PPIC: variants seen among roughly 807,000 people sequenced by gnomAD.
PPIC encodes peptidylprolyl isomerase C, also known as peptidyl-prolyl cis-trans isomerase C.
PPIC carries 19 observed loss-of-function variants against 19.5 expected under a neutral mutation model. The observed-to-expected ratio is 0.98, with a 90% CI of 0.68 to 1.43. The LOEUF (loss-of-function observed/expected upper bound fraction) is 1.43. Among genes scored for constraint, PPIC ranks in the 40% most tolerant of loss-of-function variants. PPIC has a pLI of 0.00. For synonymous variants in PPIC, 107 were observed against 101.2 expected (o/e 1.06, Z -0.34); for missense variants, 268 against 268.6 (o/e 1.00, Z 0.02).
intron 1 of PPIC, among the ~76,000 whole-genome samples, chr5:123,034,064 T>C (rs1762973201): frequency 1.3e-5 from 2 of 152,230 alleles, no homozygotes; most frequent in Non-Finnish European, 2.9e-5. Context: ...GAATAGCACC[T>C]CACACCTCTC....
chr5:123,036,157 G>A lies in PPIC; in HGVS notation c.117+352C>T, dbSNP rs1378664928. ...CGTTCTGCTCCCGAGCCCAGGCCAC[G>A]CTGAAGGAAGTACTTGGGCAGTCTC... On this transcript the variant is annotated intron_variant, in intron 1 of 4. Coordinates refer to ENST00000306442, the MANE Select transcript of PPIC (RefSeq NM_000943.5). This position sits in a 1 kb window ranked among gnomAD's most constrained non-coding sequence, Gnocchi z 4.5. 7.8e-6 allele frequency: 2 copies of A among 257,910 alleles called. No homozygotes were observed. The highest frequency in any genetic ancestry group is 1.5e-5 in the Non-Finnish European group (2 of 134,156). The allele number at this position is 257,910 out of a possible 1,614,324, so 16.0% of individuals were successfully genotyped here.
intron 1 of PPIC, among the ~76,000 whole-genome samples, chr5:123,030,700 G>T (rs1036917453): frequency 6.6e-6 from 1 of 152,164 alleles, no homozygotes; most frequent in Admixed American, 6.5e-5. Context: ...TTAAAGGAGT[G>T]CAATTCAGCA....
At chr5:123,027,640 C>G (rs1310464138) in intron 3 of PPIC, among the ~76,000 whole-genome samples, 1 of 152,288 alleles carries the variant, frequency 6.6e-6, no homozygotes, top group African/African-American at 2.4e-5. Flanking sequence ...GTAATCTTCA[C>G]AAAGTGCCTG....
chr5:123,029,482 T>A lies in PPIC; in HGVS notation c.118-64A>T, dbSNP rs78309173. The A allele has an allele frequency of 1.2e-3, 1,823 of 1,470,732 alleles. 4 individuals are homozygous for A. The highest frequency in any genetic ancestry group is 1.3e-3 in the Non-Finnish European group (1,459 of 1,109,864). The allele number at this position is 1,470,732 out of a possible 1,614,324, so 91.1% of individuals were successfully genotyped here. On this transcript the variant is annotated intron_variant, in intron 1 of 4. Transcript: ENST00000306442. ...TGGAAAAGCACAAATACAAGGTAAG[T>A]CAAAATTAAAATCTGAGAATTGACC...
chr5:123,029,115 T>C, intron 2 of PPIC, 190 bp downstream of exon 2: 1 of 1,078,092 alleles, frequency 9.3e-7, no homozygotes, highest in Non-Finnish European at 1.3e-6. Context: ...TTGATGATGA[T>C]TTTCTCCCAA....
Position 123,036,323 on chromosome 5 carries a change from C to A in PPIC, c.117+186G>T. ...CCTCAGCCCAGCTCCCCCAGGGTCT[C>A]CCCCGGAGCGCCGGCCTCCCAGCAC... is the stretch of plus-strand genomic sequence containing the variant. On this transcript the variant is annotated intron_variant, in intron 1 of 4. Transcript: ENST00000306442. The surrounding 1 kb of genome is among the most constrained non-coding windows in gnomAD (Gnocchi z 4.5). The A allele has an allele frequency of 1.7e-6, 1 of 604,476 alleles. No individual in the cohort carries two copies. The highest frequency in any genetic ancestry group is 2.8e-5 in the Admixed American group (1 of 35,546). 37.4% of individuals were successfully genotyped at this position (604,476 alleles called of 1,614,324 possible).
chr5:123,032,471 G>A (rs1762956382), intron 1 of PPIC, among the ~76,000 whole-genome samples: 1 of 152,110 alleles, frequency 6.6e-6, no homozygotes, highest in Non-Finnish European at 1.5e-5. Context: ...AGCAGGAGGA[G>A]GCAGTCAAGA....
In PPIC at chr5:123,023,585, AT is replaced by A. The variant is rs1340832647; in HGVS notation, c.*289del. 1.4e-5 allele frequency: 3 copies of A among 209,170 alleles called. No individual in the cohort carries two copies. The highest frequency in any genetic ancestry group is 2.3e-5 in the African/African-American group (1 of 43,366). 13.0% of individuals were successfully genotyped at this position (209,170 alleles called of 1,614,324 possible). On this transcript the variant is annotated 3_prime_UTR_variant, in exon 5 of 5. Transcript: ENST00000306442. ...GGATCATAATGAATTCAGAAAAAAA[AT>A]ATTGCATTAAAAAAATAGCCAATTC...
intron 3 of PPIC, among the ~76,000 whole-genome samples, chr5:123,028,057 T>C (rs974334274): frequency 6.6e-6 from 1 of 152,200 alleles, no homozygotes. Context: ...TAAAAAAGTA[T>C]TGGTTCCCAG....
intron 1 of PPIC, 86 bp from the exon 2 acceptor site, chr5:123,029,504 G>T: frequency 2.1e-6 from 3 of 1,460,696 alleles, no homozygotes; most frequent in South Asian, 1.6e-5. Context: ...TCTGAGAATT[G>T]ACCCACATAC....
chr5:123,025,638 A>G (rs1762839835), intron 4 of PPIC, 146 bp downstream of exon 4: 1 of 794,108 alleles, frequency 1.3e-6, no homozygotes, highest in Non-Finnish European at 2.0e-6. Context: ...AAAATGCCAT[A>G]CCATATATAA....
In PPIC at chr5:123,036,604, G is replaced by T; in HGVS notation, c.22C>A (p.Leu8Met). MGPGPRL[L>M]LPLVLCVGLG... Reference sequence around the variant, plus strand: ...CCCACGCAAAGCACGAGAGGTAGCAGCAGCCGAGGACCCGGGCCCATGGTG... The same window carrying T: ...CCCACGCAAAGCACGAGAGGTAGCATCAGCCGAGGACCCGGGCCCATGGTG... The change falls in exon 1 of 5, where the codon CTG becomes ATG. Residue 8 changes from leucine (L) to methionine (M), a missense_variant. Coordinates refer to ENST00000306442, the MANE Select transcript of PPIC (RefSeq NM_000943.5). This position sits in a 1 kb window ranked among gnomAD's most constrained non-coding sequence, Gnocchi z 4.5. The T allele has an allele frequency of 6.3e-7, 1 of 1,593,338 alleles. No homozygotes were observed. The highest frequency in any genetic ancestry group is 8.5e-7 in the Non-Finnish European group (1 of 1,171,534).
intron 1 of PPIC, among the ~76,000 whole-genome samples, chr5:123,032,722 A>G (rs1762959198): frequency 6.6e-6 from 1 of 152,194 alleles, no homozygotes; most frequent in Non-Finnish European, 1.5e-5. Flanking sequence ...ACATATATGA[A>G]TGCTATAATA....
At chr5:123,029,161 A>G (rs770880856) in intron 2 of PPIC, 144 bp downstream of exon 2, 1 of 1,475,352 alleles carries the variant, frequency 6.8e-7, no homozygotes. Context: ...TGCCCAAATA[A>G]TACATATTTA....
chr5:123,033,519 G>A (rs963448925), intron 1 of PPIC, among the ~76,000 whole-genome samples: 3 of 152,232 alleles, frequency 2.0e-5, no homozygotes, highest in Non-Finnish European at 4.4e-5. Flanking sequence ...ACTGGAAGCA[G>A]CCTGAGGCTG....
Sources: allele counts gnomAD v4.1 joint callset (sites outside exome capture counted in the v4.1 genomes callset), GRCh38; gene constraint gnomAD v4.1.1; non-coding constraint Gnocchi (gnomAD v3.1); transcripts MANE v1.5; gene names NCBI Gene and HGNC (gene_info 2026-07-23, HGNC 2026-07-21).